The following LYRM4 variants were observed in gnomAD, a reference collection of about 807,000 sequenced individuals.
The protein encoded by LYRM4 is LYR motif containing 4, also known as LYR motif-containing protein 4.
A neutral mutation model predicts 11.7 loss-of-function variants in LYRM4; 9 were observed. The observed-to-expected ratio is 0.77, with a 90% CI of 0.46 to 1.34. The LOEUF (loss-of-function observed/expected upper bound fraction) is 1.34. Ranked by LOEUF, LYRM4 falls within the 40% of genes most tolerant of loss-of-function variation. LYRM4 has a pLI of 0.00. For missense variants in LYRM4, 133 were observed against 112.5 expected, an observed-to-expected ratio of 1.18 and a Z score of -0.82; for synonymous variants, 42 against 40.4, an observed-to-expected ratio of 1.04 and a Z score of -0.15.
chr6:5,096,747 G>A, the LYRM4 span, among the ~76,000 whole-genome samples: 1 of 152,222 alleles, frequency 6.6e-6, no homozygotes, highest in African/African-American at 2.4e-5. Flanking sequence ...TGTGAGCACT[G>A]AGGGAAGTTA....
the LYRM4 span, among the ~76,000 whole-genome samples, chr6:5,073,914 G>A: frequency 6.6e-6 from 1 of 152,154 alleles, no homozygotes; most frequent in Admixed American, 6.5e-5. Flanking sequence ...GCGACTGGCT[G>A]GCCTTATACC....
the LYRM4 span, among the ~76,000 whole-genome samples, chr6:5,046,396 T>C: frequency 1.5e-4 from 23 of 152,186 alleles, no homozygotes; most frequent in Middle Eastern, 3.2e-3. Flanking sequence ...TCCACCCGCC[T>C]CGGCCTCCCA....
chr6:5,214,103 T>C (rs990614403), intron 2 of LYRM4, among the ~76,000 whole-genome samples: 3 of 152,178 alleles, frequency 2.0e-5, no homozygotes, highest in African/African-American at 7.2e-5. Context: ...GAGATCCCTG[T>C]CCTCATGGCC....
At position 5,117,432 on chromosome 6, in the gene LYRM4, G is replaced by A. The variant is rs1400594871; in HGVS notation, c.208-7941C>T. 4.6e-5 allele frequency among the ~76,000 whole-genome samples: 7 copies of A among 152,198 alleles called. No homozygotes were observed. In the East Asian group the frequency reaches 5.8e-4, roughly 13 times the overall value. ...TAGCTGGGTGTGATGGTGTGCGCCTGTAATCGCAGCTACTCGGGAGGCTGA... is the reference window on the plus strand; with the variant it reads ...TAGCTGGGTGTGATGGTGTGCGCCTATAATCGCAGCTACTCGGGAGGCTGA... On this transcript the variant is annotated intron_variant, in intron 2 of 2. Coordinates refer to ENST00000330636, the MANE Select transcript of LYRM4 (RefSeq NM_020408.6).
At chr6:5,155,399 A>C (rs1758354493) in intron 2 of LYRM4, among the ~76,000 whole-genome samples, 1 of 152,162 alleles carries the variant, frequency 6.6e-6, no homozygotes, top group South Asian at 2.1e-4. Context: ...TTACTAATAA[A>C]TACTACTACA....
chr6:5,063,584 C>A, the LYRM4 span, among the ~76,000 whole-genome samples: 1 of 152,210 alleles, frequency 6.6e-6, no homozygotes, highest in African/African-American at 2.4e-5. Flanking sequence ...TCCCTGGAAC[C>A]CAGGCTTGTT....
intron 2 of LYRM4, among the ~76,000 whole-genome samples, chr6:5,197,053 T>C (rs927101332): frequency 6.6e-6 from 1 of 152,232 alleles, no homozygotes; most frequent in Non-Finnish European, 1.5e-5. Flanking sequence ...AATACACATC[T>C]AACCACTGTA....
At chr6:5,035,793 C>A in the LYRM4 span, among the ~76,000 whole-genome samples, 7 of 32,534 alleles carry the variant, frequency 2.2e-4, no homozygotes, top group Middle Eastern at 0.012. Flanking sequence ...TTCCCCCCCC[C>A]ACATATGTAT....
intron 2 of LYRM4, chr6:5,138,846 G>A (rs73361394): frequency 0.089 from 67,986 of 762,132 alleles, 3,409 homozygotes; most frequent in Middle Eastern, 0.13. Context: ...GTTTAAGACA[G>A]GTTAAAAGCT....
At chr6:5,049,795 C>T in the LYRM4 span, among the ~76,000 whole-genome samples, 4 of 152,004 alleles carry the variant, frequency 2.6e-5, no homozygotes, top group Admixed American at 2.6e-4. Context: ...TCAGCCTCCC[C>T]AGTAGTTGGG....
chr6:5,117,713 T>C (rs1388423653), intron 2 of LYRM4, among the ~76,000 whole-genome samples: 1 of 152,068 alleles, frequency 6.6e-6, no homozygotes, highest in Non-Finnish European at 1.5e-5. Flanking sequence ...CCCTGCCAGA[T>C]GTGGTAGGGA....
chr6:5,130,776 A>C (rs1219810874), intron 2 of LYRM4, among the ~76,000 whole-genome samples: 1 of 152,220 alleles, frequency 6.6e-6, no homozygotes, highest in Non-Finnish European at 1.5e-5. Context: ...AATAGTAAAA[A>C]ATATATGCTT....
At chr6:5,165,721 A>G (rs2127660266) in intron 2 of LYRM4, among the ~76,000 whole-genome samples, 1 of 152,092 alleles carries the variant, frequency 6.6e-6, no homozygotes, top group East Asian at 1.9e-4. Flanking sequence ...TTTTGTAATT[A>G]TACTAGAGAC....
At chr6:5,169,341 G>A (rs1759282013) in intron 2 of LYRM4, among the ~76,000 whole-genome samples, 1 of 152,162 alleles carries the variant, frequency 6.6e-6, no homozygotes, top group Admixed American at 6.5e-5. Context: ...AGAACAAAAG[G>A]AAGGAACTGG....
intron 2 of LYRM4, among the ~76,000 whole-genome samples, chr6:5,124,934 TTGTCTC>T (rs1763634544): frequency 6.6e-6 from 1 of 152,160 alleles, no homozygotes; most frequent in South Asian, 2.1e-4. Flanking sequence ...GTTTCGGTGT[TTGTCTC>T]TGACATGAGA....
chr6:5,188,024 C>T (rs1760520679), intron 2 of LYRM4, among the ~76,000 whole-genome samples: 1 of 152,106 alleles, frequency 6.6e-6, no homozygotes, highest in Non-Finnish European at 1.5e-5. Flanking sequence ...TTCCTGTTGC[C>T]TTTGAAGTTT....
At chr6:5,101,685 GC>G (rs1356267194), downstream of LYRM4, among the ~76,000 whole-genome samples, 1 of 152,186 alleles carries the variant, frequency 6.6e-6, no homozygotes, top group African/African-American at 2.4e-5. Flanking sequence ...CACACAGCCA[GC>G]TAGTGGCTGG....
At chr6:5,214,193 A>G (rs1762134638) in intron 2 of LYRM4, among the ~76,000 whole-genome samples, 1 of 152,250 alleles carries the variant, frequency 6.6e-6, no homozygotes, top group Non-Finnish European at 1.5e-5. Flanking sequence ...TGCTGTCACA[A>G]AAACTAAGGC....
intron 2 of LYRM4, among the ~76,000 whole-genome samples, chr6:5,133,328 C>T (rs1017501062): frequency 1.3e-5 from 2 of 152,220 alleles, no homozygotes; most frequent in African/African-American, 4.8e-5. Flanking sequence ...AGATTCCTGA[C>T]AGCGTCTGCT....
Sources: gnomAD v4.1 joint callset for allele counts (sites outside exome capture counted in the v4.1 genomes callset) on GRCh38, gnomAD v4.1.1 for gene constraint, MANE v1.5 for transcripts, NCBI Gene and HGNC (gene_info 2026-07-23, HGNC 2026-07-21) for gene names.